CFAP61: variants seen among roughly 807,000 people sequenced by gnomAD.
CFAP61 encodes the protein cilia- and flagella-associated protein 61.
A neutral mutation model predicts 135.6 loss-of-function variants in CFAP61; 107 were observed. That is an observed-to-expected ratio of 0.79 (90% CI 0.67 to 0.93). CFAP61 has a LOEUF of 0.93. Ranked by LOEUF, CFAP61 falls within the 40% of genes least tolerant of loss-of-function variation. The pLI is 0.00. For missense variants in CFAP61, 1,507 were observed against 1,556.2 expected (o/e 0.97, Z 0.53); for synonymous variants, 575 against 578.5 (o/e 0.99, Z 0.09).
intron 26 of CFAP61, among the ~76,000 whole-genome samples, chr20:20,342,740 G>C (rs946555841): frequency 6.6e-6 from 1 of 152,210 alleles, no homozygotes; most frequent in Non-Finnish European, 1.5e-5. Flanking sequence ...TTCCCAGTGC[G>C]TGCCCCACTT....
chr20:20,052,807 A>G, intron 1 of CFAP61: 1 of 1,358,804 alleles, frequency 7.4e-7, no homozygotes, highest in African/African-American at 1.4e-5. Context: ...CATTCCCAGC[A>G]TGCGACGGGG....
intron 21 of CFAP61, among the ~76,000 whole-genome samples, chr20:20,276,507 T>A (rs2053778763): frequency 6.6e-6 from 1 of 152,232 alleles, no homozygotes; most frequent in African/African-American, 2.4e-5. Context: ...TATAGACTAT[T>A]TATCATCAAA....
chr20:20,262,648 C>T (rs2052338439), intron 20 of CFAP61, among the ~76,000 whole-genome samples: 1 of 152,198 alleles, frequency 6.6e-6, no homozygotes, highest in African/African-American at 2.4e-5. Flanking sequence ...AGTCATTCCC[C>T]ACCTTGCCCT....
chr20:20,113,647 A>C (rs896439895), intron 8 of CFAP61, among the ~76,000 whole-genome samples: 2 of 152,222 alleles, frequency 1.3e-5, no homozygotes, highest in Non-Finnish European at 2.9e-5. Flanking sequence ...ACCCACACGT[A>C]ATCGATTTTC....
At chr20:20,064,039 C>CCG (rs1361871240) in intron 2 of CFAP61, among the ~76,000 whole-genome samples, 1 of 125,098 alleles carries the variant, frequency 8.0e-6, no homozygotes, top group African/African-American at 2.8e-5. Context: ...GTAACCGCCC[C>CCG]CCACCCCGCC....
intron 17 of CFAP61, among the ~76,000 whole-genome samples, chr20:20,209,994 G>A (rs1406769703): frequency 6.6e-6 from 1 of 152,146 alleles, no homozygotes; most frequent in Non-Finnish European, 1.5e-5. Context: ...GCCAGTCTGA[G>A]TGTGGCCTTG....
intron 8 of CFAP61, among the ~76,000 whole-genome samples, chr20:20,138,587 G>T (rs1195291581): frequency 5.3e-5 from 8 of 152,262 alleles, no homozygotes; most frequent in African/African-American, 1.7e-4. Context: ...ATGGGGAAAG[G>T]TTAGTGTTGG....
At chr20:20,220,676 T>A (rs986110450) in intron 17 of CFAP61, among the ~76,000 whole-genome samples, 2 of 152,212 alleles carry the variant, frequency 1.3e-5, no homozygotes, top group Non-Finnish European at 2.9e-5. Flanking sequence ...TCTGAGAGAA[T>A]GTAAAAGAAG....
intron 16 of CFAP61, among the ~76,000 whole-genome samples, chr20:20,198,503 C>T (rs921965324): frequency 6.6e-6 from 1 of 152,166 alleles, no homozygotes; most frequent in Admixed American, 6.5e-5. Context: ...TCTCAGTCTG[C>T]CCTTCCAGTT....
chr20:20,146,708 T>C (rs1486058287), intron 9 of CFAP61, among the ~76,000 whole-genome samples: 1 of 152,230 alleles, frequency 6.6e-6, no homozygotes, highest in Non-Finnish European at 1.5e-5. Flanking sequence ...GAAAATAATT[T>C]GGGAGTGGAG....
intron 2 of CFAP61, among the ~76,000 whole-genome samples, chr20:20,059,326 CAA>C (rs11458923): frequency 0.015 from 662 of 45,364 alleles, 1 homozygote; most frequent in African/African-American, 0.053. Flanking sequence ...GACTCTGTCT[CAA>C]AAAAAAAAAA....
intron 21 of CFAP61, among the ~76,000 whole-genome samples, chr20:20,263,783 G>C (rs55956899): frequency 6.6e-6 from 1 of 152,064 alleles, no homozygotes; most frequent in African/African-American, 2.4e-5. Flanking sequence ...TTGAAACCTA[G>C]GAGTCAAGGT....
rs778496899 is a variant in CFAP61 at position 20,251,610 on chromosome 20, T to C, written c.2175T>C (p.Asp725=). ...KFLASDHCFN[D]KDYALMSLCS... is the part of the protein sequence containing the mutation. ...CTCTTTGCAGCCACTGTTTTAATGA[T>C]AAAGATTATGCACTGATGTCACTGT... Residue 725 remains aspartate, a synonymous_variant, in exon 20 of 27, where the codon GAT becomes GAC. Transcript: ENST00000245957. 6.2e-7 allele frequency: 1 copy of C among 1,614,028 alleles called. No homozygotes were observed. Among genetic ancestry groups the C allele is most frequent in the South Asian group, 1.1e-5 (1 of 91,088 alleles).
At chr20:20,246,957 T>C (rs1458291484) in intron 19 of CFAP61, among the ~76,000 whole-genome samples, 1 of 152,212 alleles carries the variant, frequency 6.6e-6, no homozygotes, top group Admixed American at 6.5e-5. Flanking sequence ...CGGGTTCGTT[T>C]CCACTTTATA....
chr20:20,096,419 A>G (rs1038518611), intron 7 of CFAP61, among the ~76,000 whole-genome samples: 3 of 152,232 alleles, frequency 2.0e-5, no homozygotes, highest in African/African-American at 4.8e-5. Flanking sequence ...TGTTTTTCTC[A>G]TTTTCATCAG....
intron 6 of CFAP61, among the ~76,000 whole-genome samples, chr20:20,090,130 G>T (rs945745654): frequency 4.6e-5 from 7 of 152,110 alleles, no homozygotes; most frequent in African/African-American, 1.7e-4. Flanking sequence ...CTAGTCTCTT[G>T]TCCTTTGGCC....
At chr20:20,272,925 C>CGTCACG (rs1166980992) in intron 21 of CFAP61, among the ~76,000 whole-genome samples, 1 of 152,124 alleles carries the variant, frequency 6.6e-6, no homozygotes, top group Non-Finnish European at 1.5e-5. Context: ...GGTCATCCAA[C>CGTCACG]GTCACGTTTA....
At chr20:20,328,433 C>T (rs1183797207) in intron 25 of CFAP61, among the ~76,000 whole-genome samples, 1 of 152,132 alleles carries the variant, frequency 6.6e-6, no homozygotes, top group African/African-American at 2.4e-5. Flanking sequence ...GGCCAAACTC[C>T]TAGAAGAAAA....
At chr20:20,174,521 A>G (rs888558606) in intron 13 of CFAP61, among the ~76,000 whole-genome samples, 1 of 152,234 alleles carries the variant, frequency 6.6e-6, no homozygotes, top group African/African-American at 2.4e-5. Context: ...CTTTTTAGTG[A>G]AACCACACAT....
Sources: gnomAD v4.1 joint callset for allele counts (sites outside exome capture counted in the v4.1 genomes callset) on GRCh38, gnomAD v4.1.1 for gene constraint, MANE v1.5 for transcripts, NCBI Gene and HGNC (gene_info 2026-07-23, HGNC 2026-07-21) for gene names.